The following CTNNA2 variants were observed in gnomAD, a reference collection of about 807,000 sequenced individuals.
CTNNA2 encodes the protein catenin alpha-2.
A neutral mutation model predicts 101.0 loss-of-function variants in CTNNA2; 42 were observed. The observed-to-expected ratio is 0.42, with a 90% CI of 0.32 to 0.54. The LOEUF (loss-of-function observed/expected upper bound fraction) is 0.54. Among genes scored for constraint, CTNNA2 ranks in the 20% least tolerant of loss-of-function variants. The probability of loss-of-function intolerance (pLI) is 0.14; values close to 1 mark genes in which losing one functional copy is unlikely to be tolerated. For synonymous variants in CTNNA2, 450 were observed against 456.4 expected, an observed-to-expected ratio of 0.99 and a Z score of 0.18; for missense variants, 871 against 1,223.1, an observed-to-expected ratio of 0.71 and a Z score of 4.29.
At chr2:79,389,714 C>T (rs1209757199) in intron 4 of CTNNA2, among the ~76,000 whole-genome samples, 1 of 152,084 alleles carries the variant, frequency 6.6e-6, no homozygotes, top group African/African-American at 2.4e-5. Flanking sequence ...TTTAAACAAA[C>T]ATCAAAGAAA....
intron 1 of CTNNA2, among the ~76,000 whole-genome samples, chr2:79,564,903 T>G (rs2104161185): frequency 6.6e-6 from 1 of 152,336 alleles, no homozygotes; most frequent in African/African-American, 2.4e-5. Flanking sequence ...TTATTTCAGT[T>G]ATTTTAATTA....
intron 7 of CTNNA2, among the ~76,000 whole-genome samples, chr2:80,175,066 C>T (rs567909455): frequency 6.6e-6 from 1 of 152,342 alleles, no homozygotes; most frequent in East Asian, 1.9e-4. Context: ...TAGCTCTTCT[C>T]CACCTCTCAA....
chr2:80,542,903 C>G (rs1014784044), intron 9 of CTNNA2, among the ~76,000 whole-genome samples: 1 of 151,668 alleles, frequency 6.6e-6, no homozygotes, highest in African/African-American at 2.4e-5. Context: ...CCACTTTGGA[C>G]AGGGGAAGCT....
intron 3 of CTNNA2, among the ~76,000 whole-genome samples, chr2:79,827,855 C>T (rs778432220): frequency 5.3e-5 from 8 of 152,108 alleles, no homozygotes; most frequent in Non-Finnish European, 1.2e-4. Context: ...CTGGTAAATA[C>T]CAACAAAGTT....
chr2:79,280,754 C>G (rs1453397657), intron 2 of CTNNA2, among the ~76,000 whole-genome samples: 1 of 151,078 alleles, frequency 6.6e-6, no homozygotes, highest in African/African-American at 2.4e-5. Context: ...CACCCTTGTG[C>G]AGCTCTTTCT....
At chr2:79,318,231 T>C (rs1676541681) in intron 3 of CTNNA2, among the ~76,000 whole-genome samples, 1 of 152,182 alleles carries the variant, frequency 6.6e-6, no homozygotes, top group Non-Finnish European at 1.5e-5. Context: ...TGTATTGTCA[T>C]GTCCAGATAT....
At chr2:80,143,644 G>A (rs946882124) in intron 7 of CTNNA2, among the ~76,000 whole-genome samples, 4 of 151,946 alleles carry the variant, frequency 2.6e-5, no homozygotes, top group African/African-American at 4.8e-5. Flanking sequence ...ACGATATTAC[G>A]TAAAATACAT....
intron 7 of CTNNA2, among the ~76,000 whole-genome samples, chr2:80,066,246 A>G (rs1393816375): frequency 6.6e-6 from 1 of 152,230 alleles, no homozygotes; most frequent in African/African-American, 2.4e-5. Context: ...TACTTTTGGC[A>G]CAGCAAACGA....
chr2:79,873,467 T>C (rs978724802), intron 5 of CTNNA2, among the ~76,000 whole-genome samples: 1 of 152,072 alleles, frequency 6.6e-6, no homozygotes, highest in Non-Finnish European at 1.5e-5. Flanking sequence ...GTGTTAGTGA[T>C]AGGAGAGGAA....
intron 2 of CTNNA2, among the ~76,000 whole-genome samples, chr2:79,717,788 C>T (rs1257174318): frequency 6.6e-6 from 1 of 152,072 alleles, no homozygotes; most frequent in Non-Finnish European, 1.5e-5. Flanking sequence ...GGGGTAGGGC[C>T]AACGTCAGAG....
At chr2:80,501,110 TG>T (rs1485620214) in intron 9 of CTNNA2, among the ~76,000 whole-genome samples, 15 of 152,238 alleles carry the variant, frequency 9.9e-5, no homozygotes, top group Non-Finnish European at 1.8e-4. Flanking sequence ...AATGGAAAAC[TG>T]AATAGGTCCA....
intron 6 of CTNNA2, among the ~76,000 whole-genome samples, chr2:79,884,570 T>C (rs767474417): frequency 9.2e-5 from 14 of 152,116 alleles, no homozygotes; most frequent in Non-Finnish European, 1.6e-4. Flanking sequence ...TAATATCTCT[T>C]GTAAGATTTA....
intron 2 of CTNNA2, among the ~76,000 whole-genome samples, chr2:79,221,008 G>A (rs1252238328): frequency 1.3e-5 from 2 of 152,172 alleles, no homozygotes; most frequent in African/African-American, 4.8e-5. Context: ...GGGAGACTTT[G>A]TTAACTCAGC....
intron 6 of CTNNA2, among the ~76,000 whole-genome samples, chr2:79,895,009 G>A (rs1427956928): frequency 2.6e-5 from 4 of 152,162 alleles, no homozygotes; most frequent in Non-Finnish European, 5.9e-5. Context: ...ATAGCCCATG[G>A]CTACATGATC....
chr2:80,124,584 G>C (rs1459906563), intron 7 of CTNNA2, among the ~76,000 whole-genome samples: 1 of 152,036 alleles, frequency 6.6e-6, no homozygotes, highest in African/African-American at 2.4e-5. Flanking sequence ...CTCGTATATA[G>C]TACAAAGGTT....
At chr2:80,601,952 C>A (rs984591862) in intron 15 of CTNNA2, 1 of 151,988 alleles carries the variant, frequency 6.6e-6, no homozygotes, top group African/African-American at 2.4e-5. Flanking sequence ...AAAAAGTGTA[C>A]TAAATTATGA....
chr2:80,030,872 A>G (rs974376633), intron 7 of CTNNA2, among the ~76,000 whole-genome samples: 1 of 152,192 alleles, frequency 6.6e-6, no homozygotes, highest in South Asian at 2.1e-4. Context: ...TAAATGGTCA[A>G]TAGACATAAA....
At chr2:79,601,414 G>A (rs1364782107) in intron 1 of CTNNA2, among the ~76,000 whole-genome samples, 1 of 152,192 alleles carries the variant, frequency 6.6e-6, no homozygotes, top group Non-Finnish European at 1.5e-5. Context: ...AGGTTGTCCT[G>A]ATTCGAGCCA....
intron 3 of CTNNA2, among the ~76,000 whole-genome samples, chr2:79,332,667 G>C (rs1326875432): frequency 6.6e-6 from 1 of 152,152 alleles, no homozygotes; most frequent in Admixed American, 6.5e-5. Context: ...TTAGAGTGTT[G>C]TATTTTGTTT....
Sources: allele counts gnomAD v4.1 joint callset (sites outside exome capture counted in the v4.1 genomes callset), GRCh38; gene constraint gnomAD v4.1.1; transcripts MANE v1.5; gene names NCBI Gene and HGNC (gene_info 2026-07-23, HGNC 2026-07-21).